FER: variants seen among roughly 807,000 people sequenced by gnomAD.
FER encodes the protein tyrosine-protein kinase Fer.
A neutral mutation model predicts 111.0 loss-of-function variants in FER; 63 were observed. The observed-to-expected ratio is 0.57, with a 90% CI of 0.46 to 0.70. The LOEUF is 0.70. Among genes scored for constraint, FER ranks in the 30% least tolerant of loss-of-function variants. The pLI is 0.00. For synonymous variants in FER, 327 were observed against 313.9 expected, an observed-to-expected ratio of 1.04 and a Z score of -0.44; for missense variants, 914 against 954.0, an observed-to-expected ratio of 0.96 and a Z score of 0.55.
chr5:108,997,034 G>T (rs1358031325), intron 13 of FER, among the ~76,000 whole-genome samples: 2 of 151,962 alleles, frequency 1.3e-5, no homozygotes, highest in Non-Finnish European at 2.9e-5. Context: ...ATTGTGAATG[G>T]GAGTTCACTC....
At chr5:109,096,620 T>C (rs1408649017) in intron 16 of FER, among the ~76,000 whole-genome samples, 1 of 151,846 alleles carries the variant, frequency 6.6e-6, no homozygotes, top group Non-Finnish European at 1.5e-5. Context: ...AAATAGTTTC[T>C]TTCACTCTTC....
At chr5:109,036,915 T>G (rs1438628958) in intron 13 of FER, among the ~76,000 whole-genome samples, 2 of 151,980 alleles carry the variant, frequency 1.3e-5, no homozygotes, top group Non-Finnish European at 2.9e-5. Context: ...CCACAGGAGA[T>G]TACTTGGGAA....
intron 5 of FER, among the ~76,000 whole-genome samples, chr5:108,861,644 A>G (rs1763530691): frequency 6.6e-6 from 1 of 152,190 alleles, no homozygotes; most frequent in South Asian, 2.1e-4. Context: ...GAATTTTTTC[A>G]TTCTATGTAC....
At chr5:109,135,234 A>G (rs140506994) in intron 17 of FER, among the ~76,000 whole-genome samples, 2 of 152,350 alleles carry the variant, frequency 1.3e-5, no homozygotes, top group East Asian at 3.9e-4. Flanking sequence ...TGTACCACAC[A>G]GTTTTAGGCA....
chr5:109,001,636 C>A (rs547160527), intron 13 of FER, among the ~76,000 whole-genome samples: 4 of 152,194 alleles, frequency 2.6e-5, no homozygotes, highest in Admixed American at 6.5e-5. Flanking sequence ...TTGGCCAGGG[C>A]AATTATGCAG....
At chr5:108,895,953 C>G (rs1178785265) in intron 9 of FER, among the ~76,000 whole-genome samples, 4 of 151,722 alleles carry the variant, frequency 2.6e-5, no homozygotes, top group Non-Finnish European at 4.4e-5. Context: ...TCCTGGTAGT[C>G]TTTATGAAAT....
intron 17 of FER, among the ~76,000 whole-genome samples, chr5:109,120,300 T>C (rs1750804699): frequency 6.6e-6 from 1 of 152,024 alleles, no homozygotes; most frequent in African/African-American, 2.4e-5. Flanking sequence ...AGATATGGGT[T>C]TAGTTTCATT....
intron 17 of FER, among the ~76,000 whole-genome samples, chr5:109,102,600 T>A (rs1748378444): frequency 6.6e-6 from 1 of 152,198 alleles, no homozygotes; most frequent in Non-Finnish European, 1.5e-5. Flanking sequence ...TTTAAAAATG[T>A]TTGTTATGAC....
chr5:109,016,021 T>A (rs764301403), intron 13 of FER, among the ~76,000 whole-genome samples: 11 of 151,976 alleles, frequency 7.2e-5, no homozygotes, highest in Non-Finnish European at 1.5e-4. Context: ...CACATTTAGT[T>A]TAAGGGTTAC....
chr5:108,849,474 TG>T (rs1376607327), intron 5 of FER, among the ~76,000 whole-genome samples: 3 of 151,024 alleles, frequency 2.0e-5, no homozygotes, highest in Non-Finnish European at 1.5e-5. Flanking sequence ...TTGTTGTTGT[TG>T]TTGTTTTGTT....
intron 9 of FER, among the ~76,000 whole-genome samples, chr5:108,896,628 A>G (rs989303740): frequency 2.0e-5 from 3 of 152,162 alleles, no homozygotes; most frequent in Non-Finnish European, 2.9e-5. Flanking sequence ...TATAGCAGTC[A>G]CTGAGGTTGC....
intron 10 of FER, among the ~76,000 whole-genome samples, chr5:108,907,008 T>G (rs928115815): frequency 3.3e-5 from 5 of 152,148 alleles, no homozygotes; most frequent in African/African-American, 1.2e-4. Context: ...TATCCTGGGT[T>G]TAATTGCCTT....
chr5:108,768,671 A>G (rs1451523455), intron 2 of FER, among the ~76,000 whole-genome samples: 1 of 152,116 alleles, frequency 6.6e-6, no homozygotes, highest in Non-Finnish European at 1.5e-5. Flanking sequence ...AATTCATTTG[A>G]GGTACATTGA....
intron 3 of FER, among the ~76,000 whole-genome samples, chr5:108,814,197 T>C (rs1461910711): frequency 6.6e-6 from 1 of 152,182 alleles, no homozygotes; most frequent in East Asian, 1.9e-4. Flanking sequence ...TTATCTAGAA[T>C]ACGAACATGA....
intron 13 of FER, among the ~76,000 whole-genome samples, chr5:109,037,177 C>A (rs1456491107): frequency 6.6e-6 from 1 of 152,008 alleles, no homozygotes; most frequent in East Asian, 1.9e-4. Context: ...TACAGAGATA[C>A]TATCATTTCG....
intron 13 of FER, among the ~76,000 whole-genome samples, chr5:109,024,263 A>G (rs73211596): frequency 0.059 from 8,966 of 152,252 alleles, 643 homozygotes; most frequent in African/African-American, 0.16. Flanking sequence ...GGAATAGTAC[A>G]TAATACTCCT....
chr5:109,159,464 T>C (rs574047759), intron 17 of FER, among the ~76,000 whole-genome samples: 1 of 152,312 alleles, frequency 6.6e-6, no homozygotes, highest in South Asian at 2.1e-4. Context: ...AATGAATGAA[T>C]TCATGCTGAT....
intron 16 of FER, among the ~76,000 whole-genome samples, chr5:109,050,590 T>C (rs976000840): frequency 5.3e-5 from 8 of 152,162 alleles, no homozygotes; most frequent in African/African-American, 1.7e-4. Flanking sequence ...AACCATTAAA[T>C]GAATGTGAGT....
intron 10 of FER, among the ~76,000 whole-genome samples, chr5:108,945,571 A>C (rs1011432656): frequency 2.0e-5 from 3 of 151,208 alleles, no homozygotes; most frequent in Non-Finnish European, 4.4e-5. Flanking sequence ...TCCTCCTCCC[A>C]CCCGCCTTTC....
Sources: gnomAD v4.1 joint callset for allele counts (sites outside exome capture counted in the v4.1 genomes callset) on GRCh38, gnomAD v4.1.1 for gene constraint, MANE v1.5 for transcripts, NCBI Gene and HGNC (gene_info 2026-07-23, HGNC 2026-07-21) for gene names.